The following DPYD variants were observed in gnomAD, a reference collection of about 807,000 sequenced individuals.
DPYD encodes dihydropyrimidine dehydrogenase [NADP(+)].
Under a neutral mutation model 116.2 loss-of-function variants are expected in DPYD, and 109 were observed. That is an observed-to-expected ratio of 0.94 (90% CI 0.80 to 1.10). DPYD has a LOEUF of 1.10. DPYD is among the 50% of genes least tolerant of loss of function. DPYD has a pLI of 0.00. For synonymous variants in DPYD, 440 were observed against 432.0 expected, an observed-to-expected ratio of 1.02 and a Z score of -0.23; for missense variants, 1,302 against 1,254.5, an observed-to-expected ratio of 1.04 and a Z score of -0.57.
intron 12 of DPYD, chr1:97,546,280 A>G (rs1570936962): frequency 6.9e-7 from 1 of 1,450,178 alleles, no homozygotes; most frequent in Non-Finnish European, 9.5e-7. Flanking sequence ...CCTTTAAAAA[A>G]AAAAACCTGC....
chr1:97,746,705 T>C lies in DPYD; in HGVS notation c.234-6226A>G, dbSNP rs572479547. Among the ~76,000 whole-genome samples, 237 of 152,040 alleles carry C rather than the reference T, an allele frequency of 1.6e-3. 2 individuals carry two copies. Among genetic ancestry groups the C allele is most frequent in the African/African-American group, 5.3e-3 (220 of 41,512 alleles). ...GAGTCATTGGAAGAAAATACACACATCATGAATACAGGTACAGACAGTTAT... is the reference window on the plus strand; with the variant it reads ...GAGTCATTGGAAGAAAATACACACACCATGAATACAGGTACAGACAGTTAT... On this transcript the variant is annotated intron_variant, in intron 3 of 22. Transcript: ENST00000370192.
At chr1:97,370,387 G>A (rs1164668368) in intron 16 of DPYD, among the ~76,000 whole-genome samples, 2 of 152,064 alleles carry the variant, frequency 1.3e-5, no homozygotes, top group African/African-American at 4.8e-5. Flanking sequence ...ACACAGGGAG[G>A]GAAACATCAT....
chr1:97,662,248 C>T (rs1233496071), intron 8 of DPYD, among the ~76,000 whole-genome samples: 3 of 151,558 alleles, frequency 2.0e-5, no homozygotes, highest in African/African-American at 7.3e-5. Flanking sequence ...ATGATCCACC[C>T]GCCTCGGCCT....
Position 97,102,040 on chromosome 1 carries a change from A to G in DPYD, c.2623-3408T>C, listed in dbSNP as rs182267081. Reference sequence around the variant, plus strand: ...GTGACAACATAATGAATCAACAATGATACCTTAAGCCAGCAAAGCTTTAAG... The same window carrying G: ...GTGACAACATAATGAATCAACAATGGTACCTTAAGCCAGCAAAGCTTTAAG... On this transcript the variant is annotated intron_variant, in intron 20 of 22. Transcript: ENST00000370192. 1.3e-3 allele frequency among the ~76,000 whole-genome samples: 191 copies of G among 152,170 alleles called. 4 individuals are homozygous for G. The South Asian group carries it at 0.013, about 11-fold the overall frequency.
At chr1:97,774,228 A>C (rs1447495461) in intron 3 of DPYD, among the ~76,000 whole-genome samples, 1 of 152,126 alleles carries the variant, frequency 6.6e-6, no homozygotes, top group Non-Finnish European at 1.5e-5. Flanking sequence ...CTGGAAGGAG[A>C]GTATGAATGC....
At chr1:97,467,750 C>T (rs1677414176) in intron 13 of DPYD, among the ~76,000 whole-genome samples, 1 of 152,138 alleles carries the variant, frequency 6.6e-6, no homozygotes, top group Non-Finnish European at 1.5e-5. Context: ...TGACCTGCAT[C>T]TCCAATAGAA....
intron 19 of DPYD, among the ~76,000 whole-genome samples, chr1:97,234,401 T>G (rs570966078): frequency 2.0e-5 from 3 of 152,284 alleles, no homozygotes; most frequent in African/African-American, 7.2e-5. Flanking sequence ...TCAATTTATT[T>G]TAATATTTTA....
rs901075859 is a variant in DPYD at position 97,165,239 on chromosome 1, C to A, written c.2622+27830G>T. Among the ~76,000 whole-genome samples, 6 of 151,978 alleles carry A rather than the reference C, an allele frequency of 3.9e-5. No individual in the cohort carries two copies. The East Asian group carries it at 1.2e-3, about 29-fold the overall frequency. ...ACTGGTACAAAAACAGACACACAGACCAATAAAATGGAATATAAGCCCAGA... is the reference window on the plus strand; with the variant it reads ...ACTGGTACAAAAACAGACACACAGAACAATAAAATGGAATATAAGCCCAGA... On this transcript the variant is annotated intron_variant, in intron 20 of 22. Coordinates refer to ENST00000370192, the MANE Select transcript of DPYD (RefSeq NM_000110.4).
intron 16 of DPYD, among the ~76,000 whole-genome samples, chr1:97,363,063 G>A (rs1238856954): frequency 1.3e-5 from 2 of 152,040 alleles, no homozygotes; most frequent in African/African-American, 4.8e-5. Context: ...ATCTGACAAA[G>A]GGCTAATAAC....
intron 16 of DPYD, among the ~76,000 whole-genome samples, chr1:97,335,857 TCCTTCTGTTCCTC>T (rs1669259422): frequency 6.6e-6 from 1 of 152,194 alleles, no homozygotes; most frequent in African/African-American, 2.4e-5. Flanking sequence ...ATATTTTTTG[TCCTTCTGTTCCTC>T]CCCCTCCATC....
At chr1:97,392,439 C>T (rs950242387) in intron 14 of DPYD, among the ~76,000 whole-genome samples, 5 of 151,498 alleles carry the variant, frequency 3.3e-5, no homozygotes, top group Admixed American at 6.6e-5. Flanking sequence ...ACCGTGGCAT[C>T]GAATTCCTGG....
At chr1:97,701,874 GACA>G (rs756781045) in intron 5 of DPYD, among the ~76,000 whole-genome samples, 11 of 151,834 alleles carry the variant, frequency 7.2e-5, no homozygotes, top group Non-Finnish European at 1.5e-4. Context: ...TTTAAGGGAA[GACA>G]ACATCTTTGA....
intron 5 of DPYD, among the ~76,000 whole-genome samples, chr1:97,714,655 C>CAAAAAAAAAAA (rs1193831747): frequency 1.0e-4 from 5 of 49,928 alleles, no homozygotes; most frequent in Non-Finnish European, 1.7e-4. Context: ...AAAGAAAAGA[C>CAAAAAAAAAAA]AAAAAAAAAA....
At chr1:97,746,963 G>A (rs1284334537) in intron 3 of DPYD, among the ~76,000 whole-genome samples, 1 of 151,032 alleles carries the variant, frequency 6.6e-6, no homozygotes, top group East Asian at 1.9e-4. Context: ...GTTGCTAAAC[G>A]AATGTACTGA....
intron 14 of DPYD, among the ~76,000 whole-genome samples, chr1:97,428,357 T>C (rs1433008826): frequency 6.6e-6 from 1 of 152,156 alleles, no homozygotes; most frequent in Non-Finnish European, 1.5e-5. Flanking sequence ...AAGTCAGTTT[T>C]TTAAATCTAT....
chr1:97,288,978 G>A (rs1306400292), intron 18 of DPYD, among the ~76,000 whole-genome samples: 1 of 152,048 alleles, frequency 6.6e-6, no homozygotes, highest in African/African-American at 2.4e-5. Flanking sequence ...GAATCAAATA[G>A]ATGCAATAAA....
rs532795217 is a variant in DPYD at position 97,328,973 on chromosome 1, A to G, written c.2059-22676T>C. 7.0e-4 allele frequency among the ~76,000 whole-genome samples: 106 copies of G among 152,260 alleles called. 2 individuals carry two copies. The South Asian group carries it at 0.019, about 27-fold the overall frequency. On this transcript the variant is annotated intron_variant, in intron 16 of 22. Transcript: ENST00000370192. ...ATTGTATGCTTTTGTTTTATTTCAC[A>G]TTTAATTAAAGCTAATAATTTGTTT... is the stretch of plus-strand genomic sequence containing the variant.
chr1:97,505,352 T>G (rs922516915), intron 13 of DPYD, among the ~76,000 whole-genome samples: 4 of 152,006 alleles, frequency 2.6e-5, no homozygotes, highest in Non-Finnish European at 4.4e-5. Context: ...TGAGACATTA[T>G]GCTGCATCTT....
At chr1:97,845,720 G>C (rs1416182608) in intron 2 of DPYD, among the ~76,000 whole-genome samples, 1 of 152,186 alleles carries the variant, frequency 6.6e-6, no homozygotes. Context: ...ATGAAGGAGA[G>C]GAGAGCTGTG....
Sources: gnomAD v4.1 joint callset for allele counts (sites outside exome capture counted in the v4.1 genomes callset) on GRCh38, gnomAD v4.1.1 for gene constraint, MANE v1.5 for transcripts, NCBI Gene and HGNC (gene_info 2026-07-23, HGNC 2026-07-21) for gene names.